The following KDM4C variants were observed in gnomAD, a reference collection of about 807,000 sequenced individuals.
KDM4C encodes lysine demethylase 4C, also known as lysine-specific demethylase 4C.
In KDM4C, 81 loss-of-function variants were observed where a neutral mutation model predicts 129.3. The ratio of observed to expected loss-of-function variants is 0.63; its 90% CI spans 0.52 to 0.75. The LOEUF is 0.75. Among genes scored for constraint, KDM4C ranks in the 30% least tolerant of loss-of-function variants. KDM4C has a pLI of 0.00. For synonymous variants in KDM4C, 573 were observed against 456.1 expected, an observed-to-expected ratio of 1.26 and a Z score of -3.26; for missense variants, 1,457 against 1,304.0, an observed-to-expected ratio of 1.12 and a Z score of -1.81.
At chr9:7,083,511 G>T (rs1158776410) in intron 17 of KDM4C, among the ~76,000 whole-genome samples, 1 of 152,180 alleles carries the variant, frequency 6.6e-6, no homozygotes, top group African/African-American at 2.4e-5. Context: ...ATATGGTATA[G>T]CCTATTGCTC....
chr9:6,877,754 A>G (rs1009713324), intron 5 of KDM4C, among the ~76,000 whole-genome samples: 2 of 152,200 alleles, frequency 1.3e-5, no homozygotes, highest in African/African-American at 4.8e-5. Context: ...TTGAATTTCT[A>G]AAACATTAAA....
intron 17 of KDM4C, among the ~76,000 whole-genome samples, chr9:7,067,344 G>C (rs7034275): frequency 0.39 from 58,924 of 152,140 alleles, 12,238 homozygotes; most frequent in Non-Finnish European, 0.46. Context: ...AAGCACAACA[G>C]TTTTTGTAAC....
chr9:6,910,516 C>G (rs1289306237), intron 8 of KDM4C, among the ~76,000 whole-genome samples: 1 of 152,150 alleles, frequency 6.6e-6, no homozygotes, highest in African/African-American at 2.4e-5. Flanking sequence ...CAAATAACTA[C>G]AAAACGTAAA....
At chr9:6,830,793 G>A (rs115629410) in intron 4 of KDM4C, among the ~76,000 whole-genome samples, 14 of 152,212 alleles carry the variant, frequency 9.2e-5, no homozygotes, top group African/African-American at 2.9e-4. Flanking sequence ...GGGAAACTCA[G>A]TAGCACCAGC....
Position 7,157,364 on chromosome 9 carries a change from G to T in KDM4C, c.2782-7874G>T, listed in dbSNP as rs111331030. On this transcript the variant is annotated intron_variant, in intron 19 of 21. Coordinates refer to ENST00000381309, the MANE Select transcript of KDM4C (RefSeq NM_015061.6). ...CATTATTTCTTTCTCTTGCCTGATT[G>T]CCCTGGCCAGAACTTCCAATACTAT... Among the ~76,000 whole-genome samples the T allele has an allele frequency of 2.0e-5, 3 of 152,200 alleles. No homozygotes were observed. In the East Asian group the frequency reaches 5.8e-4, roughly 29 times the overall value.
At chr9:7,084,346 C>G (rs1226141940) in intron 17 of KDM4C, among the ~76,000 whole-genome samples, 2 of 152,168 alleles carry the variant, frequency 1.3e-5, no homozygotes, top group East Asian at 1.9e-4. Context: ...AACCAAGATT[C>G]AACATGAGCA....
intron 3 of KDM4C, among the ~76,000 whole-genome samples, chr9:6,813,813 A>G (rs1831594373): frequency 6.6e-6 from 1 of 152,196 alleles, no homozygotes. Flanking sequence ...TTAAACTGTA[A>G]ATAGGATATA....
intron 19 of KDM4C, among the ~76,000 whole-genome samples, chr9:7,146,686 GA>G (rs1842243438): frequency 6.6e-6 from 1 of 152,192 alleles, no homozygotes. Flanking sequence ...CGAGATGCTT[GA>G]AAATTCCCAG....
chr9:6,868,197 G>A (rs569805006), intron 5 of KDM4C, among the ~76,000 whole-genome samples: 18 of 151,882 alleles, frequency 1.2e-4, no homozygotes, highest in Admixed American at 2.6e-4. Flanking sequence ...AACTCAGCTC[G>A]AGCTTTGCCT....
At chr9:6,767,537 C>T (rs997313067) in intron 1 of KDM4C, among the ~76,000 whole-genome samples, 10 of 151,958 alleles carry the variant, frequency 6.6e-5, no homozygotes, top group Non-Finnish European at 5.9e-5. Context: ...CAGGTTCAAG[C>T]GATTCTTCTG....
At chr9:6,960,282 A>T (rs868044450) in intron 8 of KDM4C, among the ~76,000 whole-genome samples, 102 of 143,260 alleles carry the variant, frequency 7.1e-4, no homozygotes, top group South Asian at 4.1e-3. Flanking sequence ...AATGTTTTTA[A>T]TTTTTTTTTT....
At chr9:6,969,344 T>G (rs1640507291) in intron 8 of KDM4C, among the ~76,000 whole-genome samples, 1 of 152,232 alleles carries the variant, frequency 6.6e-6, no homozygotes, top group South Asian at 2.1e-4. Context: ...ATGTTCTGAT[T>G]GACATTTAAA....
At chr9:6,746,653 G>C (rs907057519) in intron 1 of KDM4C, among the ~76,000 whole-genome samples, 1 of 151,558 alleles carries the variant, frequency 6.6e-6, no homozygotes, top group Non-Finnish European at 1.5e-5. Flanking sequence ...ACCAAGGTGG[G>C]AGGATCGCTT....
intron 8 of KDM4C, among the ~76,000 whole-genome samples, chr9:6,965,226 A>T (rs1270509653): frequency 6.6e-6 from 1 of 151,840 alleles, no homozygotes; most frequent in Non-Finnish European, 1.5e-5. Context: ...AGCTTAACAC[A>T]AGGCAAATTG....
Position 6,981,081 on chromosome 9 carries a change from C to T in KDM4C, c.1078C>T (p.Leu360=). 6.2e-7 allele frequency: 1 copy of T among 1,613,200 alleles called. No individual in the cohort carries two copies. Among genetic ancestry groups the T allele is most frequent in the Non-Finnish European group, 8.5e-7 (1 of 1,179,584 alleles). Residue 360 remains leucine (L), a synonymous_variant, in exon 9 of 22, where the codon CTG becomes TTG. Coordinates refer to ENST00000381309, the MANE Select transcript of KDM4C (RefSeq NM_015061.6). ...ATCCACCCCTGAAGTAAAAGCATGG[C>T]TGCAGAGGAGGAGGAAAGTAAGAAA... ...PASTPEVKAW[L]QRRRKVRKAS...
chr9:6,986,030 G>A (rs1817635270), intron 10 of KDM4C, among the ~76,000 whole-genome samples: 1 of 152,192 alleles, frequency 6.6e-6, no homozygotes, highest in African/African-American at 2.4e-5. Flanking sequence ...TAATTAGCCA[G>A]TTTATGAATT....
intron 12 of KDM4C, among the ~76,000 whole-genome samples, chr9:7,002,889 A>G (rs899723710): frequency 6.6e-6 from 1 of 152,134 alleles, no homozygotes; most frequent in Non-Finnish European, 1.5e-5. Context: ...TAGATAGACT[A>G]TTGCTATGTC....
At chr9:6,977,668 TGCTGG>T (rs565461468) in intron 8 of KDM4C, among the ~76,000 whole-genome samples, 2 of 152,170 alleles carry the variant, frequency 1.3e-5, no homozygotes, top group African/African-American at 2.4e-5. Flanking sequence ...GCCTGTCATC[TGCTGG>T]GCCTCCAGTT....
At chr9:6,761,028 A>G (rs1324809939) in intron 1 of KDM4C, among the ~76,000 whole-genome samples, 1 of 144,328 alleles carries the variant, frequency 6.9e-6, no homozygotes, top group Non-Finnish European at 1.5e-5. Context: ...TTGAGACGGA[A>G]TCTCGCTCTG....
Sources: allele counts gnomAD v4.1 joint callset (sites outside exome capture counted in the v4.1 genomes callset), GRCh38; gene constraint gnomAD v4.1.1; transcripts MANE v1.5; gene names NCBI Gene and HGNC (gene_info 2026-07-23, HGNC 2026-07-21).